FKBP15: variants seen among roughly 807,000 people sequenced by gnomAD.
FKBP15 encodes the protein FKBP prolyl isomerase family member 15, also known as FK506-binding protein 15.
A neutral mutation model predicts 158.1 loss-of-function variants in FKBP15; 106 were observed. The observed-to-expected ratio is 0.67, with a 90% confidence interval of 0.57 to 0.79. The LOEUF (loss-of-function observed/expected upper bound fraction) is 0.79. Ranked by LOEUF, FKBP15 falls within the 30% of genes least tolerant of loss-of-function variation. FKBP15 has a pLI of 0.00. For synonymous variants in FKBP15, 547 were observed against 548.6 expected (o/e 1.00, Z 0.04); for missense variants, 1,287 against 1,479.1 (o/e 0.87, Z 2.13).
In FKBP15 at chr9:113,182,824, G is replaced by A; in HGVS notation, c.1856C>T (p.Ser619Leu). 6.2e-7 allele frequency: 1 copy of A among 1,613,758 alleles called. No homozygotes were observed. The highest frequency in any genetic ancestry group is 8.5e-7 in the Non-Finnish European group (1 of 1,179,762). ...TGTGTTTTCTGTGGCTGTCTGAAGT[G>A]AGTTGTTCCTCTTCTCCATCATCAG... ...SNLMMEKRNN[S>L]LQTATENTQA... The change falls in exon 19 of 28, where the codon TCA becomes TTA. Residue 619 changes from serine (S) to leucine (L), a missense_variant. Transcript: ENST00000238256.
chr9:113,211,352 T>C, intron 2 of FKBP15, 125 bp downstream of exon 2: 1 of 621,678 alleles, frequency 1.6e-6, no homozygotes, highest in Non-Finnish European at 2.7e-6. Context: ...AGAGATGGGG[T>C]TTTGCCATCT....
In FKBP15 at chr9:113,169,350, G is replaced by A; in HGVS notation, c.3359C>T (p.Pro1120Leu). The A allele has an allele frequency of 6.2e-7, 1 of 1,614,074 alleles. No homozygotes were observed. ...LGPESPGEPQ[P>L]PQLKKDDVTS... ...GACATCATCTTTCTTGAGCTGTGGA[G>A]GCTGAGGCTCTCCTGGGCTTTCAGG... is the stretch of plus-strand genomic sequence containing the variant. Residue 1120 changes from proline (P) to leucine (L), a missense_variant, in exon 26 of 28, where the codon CCT becomes CTT. Coordinates refer to ENST00000238256, the MANE Select transcript of FKBP15 (RefSeq NM_015258.2).
At position 113,161,406 on chromosome 9, in the gene FKBP15, C is replaced by A; in HGVS notation, c.*4672G>T. ...CTCAGCAAGGGTGGGGAAGAAGGTG[C>A]AGGATAGAGGTGGATGGAGTGGATT... On this transcript the variant is annotated 3_prime_UTR_variant, in exon 28 of 28. Coordinates refer to ENST00000238256, the MANE Select transcript of FKBP15 (RefSeq NM_015258.2). 1 of 1,021,786 alleles carries A rather than the reference C, an allele frequency of 9.8e-7. No individual in the cohort carries two copies. The allele number at this position is 1,021,786 out of a possible 1,614,324, so 63.3% of individuals were successfully genotyped here. A position where few individuals can be genotyped will look rare whatever the true frequency, so the allele number is the denominator to read the frequency against.
At chr9:113,188,252 T>G in intron 13 of FKBP15, 137 bp downstream of exon 13, 1 of 709,358 alleles carries the variant, frequency 1.4e-6, no homozygotes, top group Non-Finnish European at 2.3e-6. Context: ...AGGGACAAAC[T>G]GACAAGCGTC....
Position 113,168,454 on chromosome 9 carries a change from C to T in FKBP15, c.3582+6G>A. On this transcript the variant is annotated splice_donor_region_variant and intron_variant, in intron 27 of 27. Coordinates refer to ENST00000238256, the MANE Select transcript of FKBP15 (RefSeq NM_015258.2). ...GAGGACTTGACAGTGCCTGGGATTTCCTTACCACCTCGTCTTCATCCTCCT... is the reference window on the plus strand; with the variant it reads ...GAGGACTTGACAGTGCCTGGGATTTTCTTACCACCTCGTCTTCATCCTCCT... The T allele has an allele frequency of 6.2e-7, 1 of 1,613,566 alleles. No individual in the cohort carries two copies. The highest frequency in any genetic ancestry group is 8.5e-7 in the Non-Finnish European group (1 of 1,179,500).
chr9:113,217,736 G>C (rs547313602), intron 1 of FKBP15, among the ~76,000 whole-genome samples: 1 of 152,244 alleles, frequency 6.6e-6, no homozygotes, highest in Admixed American at 6.5e-5. Context: ...AGCTACTTGG[G>C]AGACTGAGGC....
At chr9:113,174,660 T>C (rs532088035) in intron 21 of FKBP15, 77 bp from the exon 22 acceptor site, 58 of 1,455,828 alleles carry the variant, frequency 4.0e-5, no homozygotes, top group Non-Finnish European at 4.8e-5. Context: ...TGGCAGTTAA[T>C]TACCTTGTGG....
At chr9:113,195,260 C>G (rs1000799695) in intron 9 of FKBP15, among the ~76,000 whole-genome samples, 2 of 152,164 alleles carry the variant, frequency 1.3e-5, no homozygotes, top group Non-Finnish European at 2.9e-5. Context: ...TTATACACCA[C>G]AGTAGTGTAT....
At chr9:113,206,239 CA>C in intron 4 of FKBP15, 1 of 488,558 alleles carries the variant, frequency 2.0e-6, no homozygotes. Flanking sequence ...AATTGAACAA[CA>C]AACAAACAAA....
In FKBP15 at chr9:113,211,495, G is replaced by A. The variant is rs202182771; in HGVS notation, c.151C>T (p.Gln51Ter). 1 of 1,607,962 alleles carries A rather than the reference G, an allele frequency of 6.2e-7. No individual in the cohort carries two copies. Among genetic ancestry groups the A allele is most frequent in the South Asian group, 1.1e-5 (1 of 89,388 alleles). The change falls in exon 2 of 28, where the codon CAG becomes TAG. Residue 51 changes from glutamine (Q) to a stop codon, truncating the protein, a stop_gained. Transcript: ENST00000238256. LOFTEE classifies it high-confidence loss of function. Reference sequence around the variant, plus strand: ...AACTTACCTGTTGCTGCCGTTCCCTGGCCTTTCTTAGGCTGTTTTGGGGCT... The same window carrying A: ...AACTTACCTGTTGCTGCCGTTCCCTAGCCTTTCTTAGGCTGTTTTGGGGCT... ...YTAPKQPKKG[Q>*]GTAATGNQAT...
At chr9:113,206,870 C>A in intron 3 of FKBP15, 1 of 440,034 alleles carries the variant, frequency 2.3e-6, no homozygotes, top group Non-Finnish European at 4.1e-6. Context: ...GAGTGCGCCA[C>A]CGCACCCGGC....
Position 113,197,017 on chromosome 9 carries a change from G to A in FKBP15, c.779C>T (p.Pro260Leu). The A allele has an allele frequency of 6.2e-7, 1 of 1,613,926 alleles. No individual in the cohort carries two copies. The highest frequency in any genetic ancestry group is 8.5e-7 in the Non-Finnish European group (1 of 1,179,846). The change falls in exon 9 of 28, where the codon CCA becomes CTA. Residue 260 changes from proline (P) to leucine (L), a missense_variant. Physicochemically the swap from Pro to Leu is moderately conservative, Grantham distance 98. Coordinates refer to ENST00000238256, the MANE Select transcript of FKBP15 (RefSeq NM_015258.2). Reference sequence around the variant, plus strand: ...CCCTTCTGAGCCAACAGCACAGGCTGGAGGGACAATAAGCAATCGCTTTCC... The same window carrying A: ...CCCTTCTGAGCCAACAGCACAGGCTAGAGGGACAATAAGCAATCGCTTTCC... ...KGGKRLLIVP[P>L]ACAVGSEGVI...
chr9:113,190,990 A>G (rs1226816735), intron 11 of FKBP15, among the ~76,000 whole-genome samples: 2 of 152,198 alleles, frequency 1.3e-5, no homozygotes, highest in Admixed American at 6.5e-5. Flanking sequence ...AAAAGGAAAC[A>G]GGAGCTCTTT....
chr9:113,206,801 C>T (rs1483379881), intron 3 of FKBP15: 2 of 491,646 alleles, frequency 4.1e-6, no homozygotes, highest in Admixed American at 3.7e-5. Flanking sequence ...ACTGCAACCT[C>T]TGCCTCCCAG....
intron 15 of FKBP15, among the ~76,000 whole-genome samples, chr9:113,185,283 G>A (rs928302353): frequency 3.9e-5 from 6 of 152,204 alleles, no homozygotes; most frequent in Non-Finnish European, 7.3e-5. Context: ...TATAAAAGTA[G>A]CACAGAGAAA....
Position 113,163,364 on chromosome 9 carries a change from T to G in FKBP15, c.*2714A>C, listed in dbSNP as rs544269061. 1 of 153,678 alleles carries G rather than the reference T, an allele frequency of 6.5e-6. No homozygotes were observed. Among genetic ancestry groups the G allele is most frequent in the African/African-American group, 2.4e-5 (1 of 41,612 alleles). The allele number at this position is 153,678 out of a possible 1,614,324, so 9.5% of individuals were successfully genotyped here. On this transcript the variant is annotated 3_prime_UTR_variant, in exon 28 of 28. Transcript: ENST00000238256. ...ATCGCCCATTGGACTTCCTGACCTC[T>G]TCTGTCTTTGAGGGACAGAGACCAA...
At chr9:113,185,358 ACAGAGAATAGT>A (rs137920469) in intron 15 of FKBP15, among the ~76,000 whole-genome samples, 44,902 of 151,988 alleles carry the variant, frequency 0.3, 6,789 homozygotes, top group East Asian at 0.34. Flanking sequence ...GGAAAGAGGG[ACAGAGAATAGT>A]CAGGGAAGGC....
In FKBP15 at chr9:113,162,984, TC is replaced by T; in HGVS notation, c.*3093del. On this transcript the variant is annotated 3_prime_UTR_variant, in exon 28 of 28. Transcript: ENST00000238256. ...AGCCCCCTCTTCCAGACACTATACT[TC>T]CAACTGCCCTTTCTTCTGATGGCTA... 1 of 1,378,306 alleles carries T rather than the reference TC, an allele frequency of 7.3e-7. No individual in the cohort carries two copies. The highest frequency in any genetic ancestry group is 1.5e-5 in the South Asian group (1 of 66,650). The allele number at this position is 1,378,306 out of a possible 1,614,324, so 85.4% of individuals were successfully genotyped here.
intron 2 of FKBP15, among the ~76,000 whole-genome samples, chr9:113,209,149 T>C (rs10081701): frequency 0.33 from 50,682 of 152,054 alleles, 8,705 homozygotes; most frequent in African/African-American, 0.38. Context: ...AAACTCATAG[T>C]TGCTGTCTTC....
Sources: gnomAD v4.1 joint callset for allele counts (sites outside exome capture counted in the v4.1 genomes callset) on GRCh38, gnomAD v4.1.1 for gene constraint, MANE v1.5 for transcripts, NCBI Gene and HGNC (gene_info 2026-07-23, HGNC 2026-07-21) for gene names.